PTPN2: variants seen among roughly 807,000 people sequenced by gnomAD.
The protein encoded by PTPN2 is protein tyrosine phosphatase non-receptor type 2.
PTPN2 carries 19 observed loss-of-function variants against 57.3 expected under a neutral mutation model. The observed-to-expected ratio is 0.33, with a 90% CI of 0.23 to 0.49. PTPN2 has a LOEUF of 0.49. Among genes scored for constraint, PTPN2 ranks in the 20% least tolerant of loss-of-function variants. PTPN2 has a pLI of 0.99. For missense variants in PTPN2, 358 were observed against 501.1 expected, an observed-to-expected ratio of 0.71 and a Z score of 2.73; for synonymous variants, 153 against 164.9, an observed-to-expected ratio of 0.93 and a Z score of 0.55.
intron 7 of PTPN2, among the ~76,000 whole-genome samples, chr18:12,812,492 G>A (rs1443859410): frequency 6.6e-6 from 1 of 152,040 alleles, no homozygotes; most frequent in African/African-American, 2.4e-5. Context: ...CCAACTACTC[G>A]GAAGGCTGAG....
chr18:12,873,159 T>C (rs2044326080), intron 1 of PTPN2, among the ~76,000 whole-genome samples: 1 of 151,058 alleles, frequency 6.6e-6, no homozygotes, highest in South Asian at 2.1e-4. Context: ...AGGTGGAGGT[T>C]GCAGTGAGCC....
intron 1 of PTPN2, among the ~76,000 whole-genome samples, chr18:12,860,181 C>T (rs1223948137): frequency 2.0e-5 from 3 of 151,880 alleles, no homozygotes; most frequent in East Asian, 1.9e-4. Flanking sequence ...CCCAGCTACT[C>T]GGGAGGCTGA....
In PTPN2 at chr18:12,835,643, T is replaced by C. The variant is rs540963143; in HGVS notation, c.261+1148A>G. ...CATCTGCCTCAGCCTCCCAAAGTGC[T>C]GGGATTACAGGTGTGAGCCTCCGCG... On this transcript the variant is annotated intron_variant, in intron 3 of 8. Coordinates refer to ENST00000309660, the MANE Select transcript of PTPN2 (RefSeq NM_002828.4). Among the ~76,000 whole-genome samples, 11 of 152,296 alleles carry C rather than the reference T, an allele frequency of 7.2e-5. No homozygotes were observed. The South Asian group carries it at 2.3e-3, about 32-fold the overall frequency.
chr18:12,849,893 C>T (rs2043336729), intron 2 of PTPN2, among the ~76,000 whole-genome samples: 1 of 152,044 alleles, frequency 6.6e-6, no homozygotes, highest in Non-Finnish European at 1.5e-5. Flanking sequence ...ATATTTACTG[C>T]CATAAAATTG....
chr18:12,883,024 A>T (rs1042630182), intron 1 of PTPN2, among the ~76,000 whole-genome samples: 2 of 152,204 alleles, frequency 1.3e-5, no homozygotes, highest in Non-Finnish European at 2.9e-5. Context: ...TAGTTGACAT[A>T]AAAAAAGCGA....
intron 4 of PTPN2, among the ~76,000 whole-genome samples, chr18:12,830,094 T>C (rs1168688298): frequency 4.9e-5 from 7 of 143,794 alleles, no homozygotes; most frequent in Non-Finnish European, 9.2e-5. Flanking sequence ...AATGTCATAA[T>C]CCTTGATTTT....
At chr18:12,785,606 A>T (rs1351887327) in exon 10 of PTPN2, 1 of 601,674 alleles carries the variant, frequency 1.7e-6, no homozygotes, top group African/African-American at 1.9e-5. Context: ...CACTCATTAA[A>T]AACACTTAAC....
At chr18:12,840,630 T>A in intron 2 of PTPN2, 1 of 1,453,492 alleles carries the variant, frequency 6.9e-7, no homozygotes, top group Non-Finnish European at 9.4e-7. Context: ...CATCGCACTG[T>A]CACTCAGGGA....
chr18:12,846,718 C>T (rs905082858), intron 2 of PTPN2, among the ~76,000 whole-genome samples: 2 of 152,220 alleles, frequency 1.3e-5, no homozygotes, highest in Non-Finnish European at 2.9e-5. Context: ...TGCCCAATGG[C>T]TCATCAGCTA....
At chr18:12,794,534 T>C (rs778834761) in intron 8 of PTPN2, 49 bp from the exon 9 acceptor site, 8 of 1,597,688 alleles carry the variant, frequency 5.0e-6, no homozygotes, top group Non-Finnish European at 6.8e-6. Flanking sequence ...AGAGCAGGAC[T>C]TGAGTACTCT....
chr18:12,801,627 G>A (rs2041428491), intron 8 of PTPN2, among the ~76,000 whole-genome samples: 1 of 152,132 alleles, frequency 6.6e-6, no homozygotes, highest in Non-Finnish European at 1.5e-5. Context: ...GAGTGCAGTG[G>A]TGGTATGTCA....
At chr18:12,835,382 C>CTTTCTTTTTTTTTTTT (rs2042821259) in intron 3 of PTPN2, among the ~76,000 whole-genome samples, 3 of 99,030 alleles carry the variant, frequency 3.0e-5, no homozygotes, top group African/African-American at 1.3e-4. Context: ...TCACATATGT[C>CTTTCTTTTTTTTTTTT]TTTTTTTTTT....
chr18:12,822,768 T>G (rs563204835), intron 5 of PTPN2, among the ~76,000 whole-genome samples: 11 of 152,332 alleles, frequency 7.2e-5, no homozygotes, highest in African/African-American at 2.4e-4. Flanking sequence ...GTTCTTTCTT[T>G]CTTGCTAGTA....
Position 12,793,808 on chromosome 18 carries a change from A to G in PTPN2, c.*470T>C, listed in dbSNP as rs1453954654. 3.2e-6 allele frequency: 3 copies of G among 946,526 alleles called. No individual in the cohort carries two copies. Among genetic ancestry groups the G allele is most frequent in the African/African-American group, 3.6e-5 (2 of 56,200 alleles). The allele number at this position is 946,526 out of a possible 1,614,324, so 58.6% of individuals were successfully genotyped here. On this transcript the variant is annotated 3_prime_UTR_variant, in exon 9 of 9. Transcript: ENST00000309660. ...TATATTTACCCTGAAATGCTTAAGA[A>G]TAAAAGTGTTGATGCCCATGTCAAT...
intron 2 of PTPN2, among the ~76,000 whole-genome samples, chr18:12,838,301 C>T (rs570543259): frequency 1.6e-4 from 24 of 152,250 alleles, no homozygotes; most frequent in African/African-American, 2.9e-4. Context: ...CCATAAAACC[C>T]GGGAAGGTCC....
chr18:12,860,803 G>A (rs1316463786), intron 1 of PTPN2, among the ~76,000 whole-genome samples: 1 of 152,086 alleles, frequency 6.6e-6, no homozygotes, highest in Non-Finnish European at 1.5e-5. Flanking sequence ...ATTCTGTAAG[G>A]CTATGTCCGC....
At chr18:12,880,182 A>T (rs572210325) in intron 1 of PTPN2, among the ~76,000 whole-genome samples, 1 of 150,894 alleles carries the variant, frequency 6.6e-6, no homozygotes, top group Non-Finnish European at 1.5e-5. Flanking sequence ...AGAAGGGGGG[A>T]AAGTTGTGCC....
At chr18:12,820,161 T>G (rs544366774) in intron 5 of PTPN2, among the ~76,000 whole-genome samples, 1 of 152,340 alleles carries the variant, frequency 6.6e-6, no homozygotes, top group African/African-American at 2.4e-5. Flanking sequence ...CAGGTCACGC[T>G]GTCTGGGATA....
chr18:12,817,388 G>A, intron 5 of PTPN2, 23 bp from the exon 6 acceptor site: 1 of 1,579,508 alleles, frequency 6.3e-7, no homozygotes, highest in Non-Finnish European at 8.7e-7. Flanking sequence ...AATCAAGGGA[G>A]AAGTTAGTTC....
Sources: gnomAD v4.1 joint callset for allele counts (sites outside exome capture counted in the v4.1 genomes callset) on GRCh38, gnomAD v4.1.1 for gene constraint, MANE v1.5 for transcripts, NCBI Gene and HGNC (gene_info 2026-07-23, HGNC 2026-07-21) for gene names.